PCDHGB5: variants seen among roughly 807,000 people sequenced by gnomAD.
The protein encoded by PCDHGB5 is protocadherin gamma-B5.
Under a neutral mutation model 62.9 loss-of-function variants are expected in PCDHGB5, and 48 were observed. The ratio of observed to expected loss-of-function variants is 0.76; its 90% CI spans 0.61 to 0.97. The LOEUF (loss-of-function observed/expected upper bound fraction) is 0.97, where lower values mean the gene tolerates loss of function less well. Among genes scored for constraint, PCDHGB5 ranks in the 50% least tolerant of loss-of-function variants. PCDHGB5 has a pLI of 0.00. For synonymous variants in PCDHGB5, 474 were observed against 511.2 expected (o/e 0.93, Z 0.98); for missense variants, 1,118 against 1,198.6 (o/e 0.93, Z 0.99).
chr5:141,467,057 T>TG, intron 1 of PCDHGB5, among the ~76,000 whole-genome samples: 1 of 144,752 alleles, frequency 6.9e-6, no homozygotes, highest in Non-Finnish European at 1.5e-5. Context: ...AATGTTTTCT[T>TG]TTTTTTTTTT....
rs2099692694 is a variant in PCDHGB5, at chr5:141,489,817, GAGCTGGTGCTAGAGCAGC to G, written c.2398-4983_2398-4966del. On this transcript the variant is annotated intron_variant, in intron 1 of 3. Transcript: ENST00000617380. This position sits in a 1 kb window ranked among gnomAD's most constrained non-coding sequence, Gnocchi z 4.5. ...CCTAAAAGATGGGAAGCCATTCCCA[GAGCTGGTGCTAGAGCAGC>G]AGCTGGATCGTGAAGCCCAGGCAAG... 6 of 1,613,992 alleles carry G rather than the reference GAGCTGGTGCTAGAGCAGC, an allele frequency of 3.7e-6. No individual in the cohort carries two copies. Among genetic ancestry groups the G allele is most frequent in the Non-Finnish European group, 5.1e-6 (6 of 1,179,944 alleles).
Position 141,476,658 on chromosome 5 carries a change from C to A in PCDHGB5, c.2398-18149C>A, listed in dbSNP as rs182518072. On this transcript the variant is annotated intron_variant, in intron 1 of 3. Transcript: ENST00000617380. The surrounding 1 kb of genome is among the most constrained non-coding windows in gnomAD (Gnocchi z 7.6). ...GAGCTGAGCCGAAATGAATACTTTGCGCTTCGCGTGCAGACGCGGGAGGAC... is the reference window on the plus strand; with the variant it reads ...GAGCTGAGCCGAAATGAATACTTTGAGCTTCGCGTGCAGACGCGGGAGGAC... 2 of 1,614,244 alleles carry A rather than the reference C, an allele frequency of 1.2e-6. No homozygotes were observed. The highest frequency in any genetic ancestry group is 2.2e-5 in the East Asian group (1 of 44,878).
intron 1 of PCDHGB5, chr5:141,426,795 C>G (rs1214340018): frequency 2.2e-6 from 1 of 456,700 alleles, no homozygotes. Context: ...GAGTTACCAG[C>G]TCAGTTCTAA....
rs368512862 is a variant in PCDHGB5 at position 141,491,734 on chromosome 5, G to T, written c.2398-3073G>T. ...CTCGGCGCCGCCCCGGGCGACCCCT[G>T]GGGGCGGCACTGGAGAAGCCGCCCG... On this transcript the variant is annotated intron_variant, in intron 1 of 3. Transcript: ENST00000617380. The surrounding 1 kb of genome is among the most constrained non-coding windows in gnomAD (Gnocchi z 6.9). 2.5e-4 allele frequency: 403 copies of T among 1,602,056 alleles called. No individual in the cohort carries two copies. Among genetic ancestry groups the T allele is most frequent in the Non-Finnish European group, 3.2e-4 (380 of 1,174,948 alleles).
At chr5:141,405,369 T>C in intron 1 of PCDHGB5, 3 of 1,606,526 alleles carry the variant, frequency 1.9e-6, no homozygotes, top group Non-Finnish European at 2.5e-6. Context: ...GACACCCCTT[T>C]GGTTCCGGTG....
rs554661873 is a variant in PCDHGB5, at chr5:141,487,723, T to C, written c.2398-7084T>C. ...GCCTCTCAGTAAGTGCCCATAGTGATGTCACCATTTTTGTAAGAGGTAACT... is the reference window on the plus strand; with the variant it reads ...GCCTCTCAGTAAGTGCCCATAGTGACGTCACCATTTTTGTAAGAGGTAACT... On this transcript the variant is annotated intron_variant, in intron 1 of 3. Transcript: ENST00000617380. The surrounding 1 kb of genome is among the most constrained non-coding windows in gnomAD (Gnocchi z 5.0). The C allele has an allele frequency of 2.6e-5, 41 of 1,574,932 alleles. No homozygotes were observed. Among genetic ancestry groups the C allele is most frequent in the Non-Finnish European group, 5.2e-6 (6 of 1,158,382 alleles).
At chr5:141,428,275 G>C in intron 1 of PCDHGB5, 1 of 767,218 alleles carries the variant, frequency 1.3e-6, no homozygotes, top group Non-Finnish European at 2.2e-6. Context: ...TGTGCCCTCT[G>C]ATTCCCAAGC....
intron 1 of PCDHGB5, among the ~76,000 whole-genome samples, chr5:141,407,534 A>G (rs72790039): frequency 0.022 from 3,304 of 149,594 alleles, 53 homozygotes; most frequent in South Asian, 0.039. Context: ...CTTATTGTGC[A>G]TTGGTAACAG....
Position 141,493,876 on chromosome 5 carries a change from G to T in PCDHGB5, c.2398-931G>T, listed in dbSNP as rs2099750541. 6.6e-6 allele frequency among the ~76,000 whole-genome samples: 1 copy of T among 152,194 alleles called. No homozygotes were observed. ...CAGCCCACCCCAGAACCAGTGAGGA[G>T]GTGGCTCTAGGAGTGCTCCATGAGA... On this transcript the variant is annotated intron_variant, in intron 1 of 3. Transcript: ENST00000617380. The surrounding 1 kb of genome is among the most constrained non-coding windows in gnomAD (Gnocchi z 4.3).
rs569692941 is a variant in PCDHGB5, at chr5:141,398,040, C to T, written c.-88C>T. 3.4e-6 allele frequency: 5 copies of T among 1,485,976 alleles called. No individual in the cohort carries two copies. Among genetic ancestry groups the T allele is most frequent in the East Asian group, 4.8e-5 (2 of 41,566 alleles). The allele number at this position is 1,485,976 out of a possible 1,614,324, so 92.0% of individuals were successfully genotyped here. A position where few individuals can be genotyped will look rare whatever the true frequency, so the allele number is the denominator to read the frequency against. On this transcript the variant is annotated 5_prime_UTR_variant, in exon 1 of 4. Coordinates refer to ENST00000617380, the MANE Select transcript of PCDHGB5 (RefSeq NM_018925.3). ...CTAAACTGGAACTGGAACTAAAGCCCGTTCGGAGATCCAAAAATCTACAAT... is the reference window on the plus strand; with the variant it reads ...CTAAACTGGAACTGGAACTAAAGCCTGTTCGGAGATCCAAAAATCTACAAT...
In PCDHGB5 at chr5:141,399,991, G is replaced by C; in HGVS notation, c.1864G>C (p.Val622Leu). 6.2e-7 allele frequency: 1 copy of C among 1,612,422 alleles called. No homozygotes were observed. Among genetic ancestry groups the C allele is most frequent in the Non-Finnish European group, 8.5e-7 (1 of 1,179,618 alleles). ...CAGCCTGGGGCTGCGCACAGGAGAG[G>C]TGCGCACAGCGCGTGCCTTGGGCGA... ...LFSLGLRTGE[V>L]RTARALGDRD... Residue 622 changes from valine to leucine, a missense_variant, in exon 1 of 4, where the codon GTG becomes CTG. By Grantham distance (32) the Val-to-Leu change is conservative. Around this residue, in one of 2 missense-constraint regions of PCDHGB5, gnomAD observed 1,034 missense variants for 1,029.1 expected, o/e 1.00. Transcript: ENST00000617380.
At chr5:141,402,999 T>TATG in intron 1 of PCDHGB5, 1 of 1,613,984 alleles carries the variant, frequency 6.2e-7, no homozygotes, top group Non-Finnish European at 8.5e-7. Context: ...TTAGTCCTGC[T>TATG]ATGCTCGCTC....
chr5:141,415,007 G>A (rs369009151), intron 1 of PCDHGB5: 1 of 1,613,654 alleles, frequency 6.2e-7, no homozygotes, highest in South Asian at 1.1e-5. Flanking sequence ...CTGTCCTACC[G>A]TCTGCTCAAG....
chr5:141,479,813 T>G (rs543146395), intron 1 of PCDHGB5, among the ~76,000 whole-genome samples: 1 of 152,318 alleles, frequency 6.6e-6, no homozygotes, highest in South Asian at 2.1e-4. Flanking sequence ...TATGCAAGGA[T>G]ACTATCCAAG....
chr5:141,490,313 C>G lies in PCDHGB5; in HGVS notation c.2398-4494C>G. The G allele has an allele frequency of 6.2e-7, 1 of 1,614,222 alleles. No individual in the cohort carries two copies. The highest frequency in any genetic ancestry group is 8.5e-7 in the Non-Finnish European group (1 of 1,180,024). Reference sequence around the variant, plus strand: ...GTGCTATTGGCCTCTTTGGCCAACCCTGTCCTAGAGAGCACACCAGTGGGC... The same window carrying G: ...GTGCTATTGGCCTCTTTGGCCAACCGTGTCCTAGAGAGCACACCAGTGGGC... On this transcript the variant is annotated intron_variant, in intron 1 of 3. Transcript: ENST00000617380. The surrounding 1 kb of genome is among the most constrained non-coding windows in gnomAD (Gnocchi z 5.4).
chr5:141,475,870 C>CAGTT, intron 1 of PCDHGB5: 1 of 511,190 alleles, frequency 2.0e-6, no homozygotes, highest in East Asian at 3.3e-5. Context: ...ATTCTTCGTG[C>CAGTT]AGTTATTGGC....
chr5:141,474,488 A>C (rs2099350464), intron 1 of PCDHGB5, among the ~76,000 whole-genome samples: 1 of 152,208 alleles, frequency 6.6e-6, no homozygotes. Flanking sequence ...AATGTATTCT[A>C]TCTTCTAATG....
intron 1 of PCDHGB5, among the ~76,000 whole-genome samples, chr5:141,445,814 T>C (rs1554133709): frequency 6.6e-6 from 1 of 152,182 alleles, no homozygotes; most frequent in Non-Finnish European, 1.5e-5. Context: ...TAGATGAAAC[T>C]AATAAGGCAG....
rs1589355843 is a variant in PCDHGB5 at position 141,399,077 on chromosome 5, G to A, written c.950G>A (p.Gly317Glu). Residue 317 changes from glycine to glutamate, a missense_variant, in exon 1 of 4, where the codon GGG becomes GAG. Gly to Glu is a moderately conservative substitution (Grantham distance 98). Around this residue, in one of 2 missense-constraint regions of PCDHGB5, gnomAD observed 1,034 missense variants for 1,029.1 expected, o/e 1.00. Coordinates refer to ENST00000617380, the MANE Select transcript of PCDHGB5 (RefSeq NM_018925.3). ...AAGGAATATTCAATGGTTGTAGAAG[G>A]GAGGGATGGTGGTGGACTGGTTGCA... ...ETKEYSMVVE[G>E]RDGGGLVAQC... 1 of 1,613,830 alleles carries A rather than the reference G, an allele frequency of 6.2e-7. No individual in the cohort carries two copies. Among genetic ancestry groups the A allele is most frequent in the Non-Finnish European group, 8.5e-7 (1 of 1,179,866 alleles).
Sources: allele counts gnomAD v4.1 joint callset (sites outside exome capture counted in the v4.1 genomes callset), GRCh38; gene constraint gnomAD v4.1.1; regional missense constraint gnomAD v4.1.1; non-coding constraint Gnocchi (gnomAD v3.1); transcripts MANE v1.5; gene names NCBI Gene and HGNC (gene_info 2026-07-23, HGNC 2026-07-21).